The following KIF6 variants were observed in gnomAD, a reference collection of about 807,000 sequenced individuals.
KIF6 encodes the protein kinesin family member 6, also known as kinesin-like protein KIF6.
Under a neutral mutation model 112.7 loss-of-function variants are expected in KIF6, and 106 were observed. The ratio of observed to expected loss-of-function variants is 0.94; its 90% CI spans 0.80 to 1.11. The LOEUF (loss-of-function observed/expected upper bound fraction) is 1.11, where lower values mean the gene tolerates loss of function less well. Ranked by LOEUF, KIF6 falls within the 50% of genes least tolerant of loss-of-function variation. The pLI, the probability that KIF6 is intolerant of heterozygous loss-of-function variation, is 0.00. For synonymous variants in KIF6, 339 were observed against 339.9 expected, an observed-to-expected ratio of 1.00 and a Z score of 0.03; for missense variants, 929 against 964.0, an observed-to-expected ratio of 0.96 and a Z score of 0.48.
At chr6:39,503,540 C>G (rs1776258905) in intron 13 of KIF6, among the ~76,000 whole-genome samples, 1 of 151,916 alleles carries the variant, frequency 6.6e-6, no homozygotes, top group Non-Finnish European at 1.5e-5. Flanking sequence ...AATCCAGGAG[C>G]TGGTTTTTTG....
At chr6:39,717,425 T>C (rs1161632198) in intron 2 of KIF6, among the ~76,000 whole-genome samples, 2 of 152,212 alleles carry the variant, frequency 1.3e-5, no homozygotes, top group Non-Finnish European at 2.9e-5. Context: ...ATCCCTTAGA[T>C]ACTTGAATGG....
chr6:39,551,916 C>T (rs933727504), intron 10 of KIF6, among the ~76,000 whole-genome samples: 2 of 152,174 alleles, frequency 1.3e-5, no homozygotes, highest in African/African-American at 2.4e-5. Context: ...AGAGAGAATA[C>T]GCCTGGCCTA....
intron 3 of KIF6, among the ~76,000 whole-genome samples, chr6:39,662,718 A>G (rs1786231211): frequency 1.3e-5 from 2 of 152,294 alleles, no homozygotes; most frequent in African/African-American, 4.8e-5. Flanking sequence ...AAAAAAAATT[A>G]TCTTGAATAA....
At chr6:39,544,873 C>T (rs1358190093) in intron 11 of KIF6, among the ~76,000 whole-genome samples, 180 bp from the exon 12 acceptor site, 1 of 152,064 alleles carries the variant, frequency 6.6e-6, no homozygotes, top group Non-Finnish European at 1.5e-5. Flanking sequence ...TCCCTTCTAC[C>T]TGCCTTCTTT....
chr6:39,368,293 A>T (rs529641616), intron 16 of KIF6, among the ~76,000 whole-genome samples: 8 of 152,262 alleles, frequency 5.3e-5, no homozygotes, highest in African/African-American at 1.9e-4. Context: ...GGAACTTCAT[A>T]TGTATTGTCT....
At chr6:39,657,966 A>G (rs1785900177) in intron 3 of KIF6, among the ~76,000 whole-genome samples, 1 of 152,214 alleles carries the variant, frequency 6.6e-6, no homozygotes, top group Non-Finnish European at 1.5e-5. Flanking sequence ...GACTGGTTCC[A>G]TTTTGGCATT....
intron 13 of KIF6, among the ~76,000 whole-genome samples, chr6:39,476,070 T>A (rs1299312653): frequency 6.6e-6 from 1 of 151,886 alleles, no homozygotes; most frequent in African/African-American, 2.4e-5. Context: ...AGGAAGAGCA[T>A]CAGTATAAAT....
chr6:39,494,319 T>TAA (rs1775644624), intron 13 of KIF6, among the ~76,000 whole-genome samples: 1 of 152,210 alleles, frequency 6.6e-6, no homozygotes, highest in African/African-American at 2.4e-5. Context: ...GTCACAAGGA[T>TAA]GTTTATACAT....
intron 15 of KIF6, among the ~76,000 whole-genome samples, 170 bp from the exon 16 acceptor site, chr6:39,385,842 G>A (rs1767372398): frequency 6.6e-6 from 1 of 152,020 alleles, no homozygotes; most frequent in Non-Finnish European, 1.5e-5. Context: ...AGATCGTGTT[G>A]GAAGAAGAGG....
intron 13 of KIF6, among the ~76,000 whole-genome samples, chr6:39,479,182 A>C (rs1174596816): frequency 1.3e-5 from 2 of 152,142 alleles, no homozygotes; most frequent in Admixed American, 1.3e-4. Flanking sequence ...TTCTAAGCCA[A>C]TGTCTGGAAG....
chr6:39,464,212 C>T (rs908397877), intron 13 of KIF6, among the ~76,000 whole-genome samples: 3 of 152,132 alleles, frequency 2.0e-5, no homozygotes, highest in African/African-American at 7.2e-5. Context: ...TATTCTCATG[C>T]TCAGAGCTGA....
chr6:39,581,625 A>G (rs1236780600), intron 9 of KIF6, among the ~76,000 whole-genome samples: 1 of 152,152 alleles, frequency 6.6e-6, no homozygotes, highest in Non-Finnish European at 1.5e-5. Context: ...AAAGCGGACA[A>G]GCTGCCCTGA....
intron 10 of KIF6, among the ~76,000 whole-genome samples, chr6:39,572,177 T>A (rs1372770876): frequency 6.6e-6 from 1 of 152,200 alleles, no homozygotes; most frequent in Admixed American, 6.5e-5. Context: ...TGCAGAGTCA[T>A]TAAAAAACTA....
In KIF6 at chr6:39,618,135, T is replaced by C. The variant is rs371990091; in HGVS notation, c.510-4817A>G. On this transcript the variant is annotated intron_variant, in intron 5 of 22. Transcript: ENST00000287152. ...ATAAAATATAAATACTTGAAATATG[T>C]TTCTTGGGAAAGATTCATGAACCTG... 2.0e-5 allele frequency among the ~76,000 whole-genome samples: 3 copies of C among 152,190 alleles called. No individual in the cohort carries two copies. The East Asian group carries it at 5.8e-4, about 29-fold the overall frequency.
chr6:39,350,354 G>C lies in KIF6; in HGVS notation c.2181-3828C>G, dbSNP rs182521724. On this transcript the variant is annotated intron_variant, in intron 19 of 22. Transcript: ENST00000287152. ...GTCATTGATCCTAAACACAACTGCTGTGAGGAATGAGGGGAGTGCACGACT... is the reference window on the plus strand; with the variant it reads ...GTCATTGATCCTAAACACAACTGCTCTGAGGAATGAGGGGAGTGCACGACT... Among the ~76,000 whole-genome samples the C allele has an allele frequency of 3.3e-5, 5 of 152,276 alleles. No individual in the cohort carries two copies. In the East Asian group the frequency reaches 9.6e-4, roughly 29 times the overall value.
intron 3 of KIF6, among the ~76,000 whole-genome samples, chr6:39,663,841 G>C (rs1157466378): frequency 6.6e-6 from 1 of 151,976 alleles, no homozygotes; most frequent in African/African-American, 2.4e-5. Context: ...CATCAAAAGA[G>C]AGAATGAAGG....
chr6:39,352,845 C>G lies in KIF6; in HGVS notation c.2180+4432G>C, dbSNP rs199907804. 3.9e-5 allele frequency among the ~76,000 whole-genome samples: 6 copies of G among 152,270 alleles called. No individual in the cohort carries two copies. The East Asian group carries it at 1.2e-3, about 29-fold the overall frequency. ...TCTTGAATTCCTGACCTCAAGTGATCCACCCACCTTGGCCTCCCAAAGTGC... is the reference window on the plus strand; with the variant it reads ...TCTTGAATTCCTGACCTCAAGTGATGCACCCACCTTGGCCTCCCAAAGTGC... On this transcript the variant is annotated intron_variant, in intron 19 of 22. Transcript: ENST00000287152.
At chr6:39,555,468 G>A (rs990032692) in intron 10 of KIF6, among the ~76,000 whole-genome samples, 11 of 152,008 alleles carry the variant, frequency 7.2e-5, no homozygotes, top group Admixed American at 2.6e-4. Context: ...CCTCAGCCCC[G>A]TGTACTTGTA....
intron 19 of KIF6, 113 bp downstream of exon 19, chr6:39,357,164 C>G: frequency 1.5e-6 from 1 of 661,108 alleles, no homozygotes; most frequent in Non-Finnish European, 2.7e-6. Flanking sequence ...GGAATTAATC[C>G]TGCTGGATCA....
Sources: gnomAD v4.1 joint callset for allele counts (sites outside exome capture counted in the v4.1 genomes callset) on GRCh38, gnomAD v4.1.1 for gene constraint, MANE v1.5 for transcripts, NCBI Gene and HGNC (gene_info 2026-07-23, HGNC 2026-07-21) for gene names.